The following ANXA3 variants were observed in gnomAD, a reference collection of about 807,000 sequenced individuals.
The protein encoded by ANXA3 is 35-alpha calcimedin.
A neutral mutation model predicts 48.8 loss-of-function variants in ANXA3; 46 were observed. The ratio of observed to expected loss-of-function variants is 0.94; its 90% CI spans 0.74 to 1.21. ANXA3 has a LOEUF of 1.21. Among genes scored for constraint, ANXA3 ranks in the 50% most tolerant of loss-of-function variants. The pLI is 0.00. For missense variants in ANXA3, 383 were observed against 378.6 expected, an observed-to-expected ratio of 1.01 and a Z score of -0.10; for synonymous variants, 128 against 134.7, an observed-to-expected ratio of 0.95 and a Z score of 0.35.
chr4:78,554,699 C>A (rs1476982694), intron 2 of ANXA3, among the ~76,000 whole-genome samples: 1 of 151,714 alleles, frequency 6.6e-6, no homozygotes, highest in Admixed American at 6.6e-5. Flanking sequence ...ATGATGACAC[C>A]AAGGCGGAAA....
In ANXA3 at chr4:78,608,136, G is replaced by A. The variant is rs547132540; in HGVS notation, c.913-1920G>A. 5.8e-4 allele frequency among the ~76,000 whole-genome samples: 89 copies of A among 152,242 alleles called. No homozygotes were observed. The South Asian group carries it at 0.018, about 30-fold the overall frequency. On this transcript the variant is annotated intron_variant, in intron 12 of 12. Coordinates refer to ENST00000264908, the MANE Select transcript of ANXA3 (RefSeq NM_005139.3). ...TACAATTATAAGCAAAGGGGGTAGG[G>A]TGGGGGAAGACATTTTCTGCCCTTA...
At chr4:78,557,731 A>G (rs997900140) in intron 2 of ANXA3, among the ~76,000 whole-genome samples, 1 of 150,164 alleles carries the variant, frequency 6.7e-6, no homozygotes, top group African/African-American at 2.5e-5. Flanking sequence ...CTCTCCCTCA[A>G]TTAAAGAACT....
intron 2 of ANXA3, among the ~76,000 whole-genome samples, chr4:78,554,911 T>C (rs1313358084): frequency 6.6e-6 from 1 of 152,062 alleles, no homozygotes; most frequent in Non-Finnish European, 1.5e-5. Flanking sequence ...ATGAAGAAGA[T>C]GAAATATGAA....
intron 12 of ANXA3, among the ~76,000 whole-genome samples, chr4:78,609,774 A>G (rs1372026946): frequency 1.3e-5 from 2 of 152,210 alleles, no homozygotes; most frequent in Non-Finnish European, 2.9e-5. Context: ...AGAAATCAAT[A>G]TTATGTAAGT....
intron 12 of ANXA3, among the ~76,000 whole-genome samples, chr4:78,607,004 A>G (rs1421797989): frequency 6.6e-6 from 1 of 152,212 alleles, no homozygotes; most frequent in Non-Finnish European, 1.5e-5. Context: ...ATAGACTCAC[A>G]CATTTTCTAA....
At chr4:78,574,427 AAAC>A (rs758372287) in intron 3 of ANXA3, among the ~76,000 whole-genome samples, 6 of 152,262 alleles carry the variant, frequency 3.9e-5, no homozygotes, top group Admixed American at 6.5e-5. Context: ...TTCAAAAACA[AAAC>A]AACAACAACA....
intron 2 of ANXA3, among the ~76,000 whole-genome samples, chr4:78,558,219 G>A (rs539989052): frequency 5.4e-4 from 82 of 152,312 alleles, no homozygotes; most frequent in African/African-American, 1.7e-3. Flanking sequence ...GAGACTGGTC[G>A]TTAGGAATGA....
chr4:78,590,857 AAGTC>A (rs1483197540), intron 6 of ANXA3, among the ~76,000 whole-genome samples: 1 of 151,770 alleles, frequency 6.6e-6, no homozygotes, highest in African/African-American at 2.4e-5. Flanking sequence ...TCATATGTAG[AAGTC>A]TAGACATTGG....
At chr4:78,570,846 A>G (rs1446106303) in intron 2 of ANXA3, among the ~76,000 whole-genome samples, 2 of 152,224 alleles carry the variant, frequency 1.3e-5, no homozygotes, top group Non-Finnish European at 2.9e-5. Context: ...TTACAATGCC[A>G]GACACTGGAA....
intron 2 of ANXA3, among the ~76,000 whole-genome samples, chr4:78,557,204 G>A (rs1166143767): frequency 6.6e-6 from 1 of 152,166 alleles, no homozygotes; most frequent in Non-Finnish European, 1.5e-5. Flanking sequence ...GCCTGTCCTT[G>A]TATGTGGCCC....
chr4:78,592,762 AAGAG>A (rs951613873), intron 7 of ANXA3, among the ~76,000 whole-genome samples: 10 of 152,176 alleles, frequency 6.6e-5, no homozygotes, highest in African/African-American at 2.4e-4. Context: ...GATTAAGAGA[AAGAG>A]AGAGTATGTG....
intron 10 of ANXA3, among the ~76,000 whole-genome samples, chr4:78,598,857 T>C (rs1464863611): frequency 6.6e-6 from 1 of 152,160 alleles, no homozygotes; most frequent in Non-Finnish European, 1.5e-5. Flanking sequence ...TTAATCTTTA[T>C]ATTAATTCTG....
chr4:78,601,678 C>T (rs553360676), intron 11 of ANXA3, 110 bp downstream of exon 11: 59 of 912,142 alleles, frequency 6.5e-5, no homozygotes, highest in Non-Finnish European at 9.6e-5. Context: ...GTAATTTAAA[C>T]ATTTTAAGAT....
At chr4:78,596,309 C>T (rs554113370) in intron 9 of ANXA3, among the ~76,000 whole-genome samples, 8 of 152,336 alleles carry the variant, frequency 5.3e-5, no homozygotes, top group African/African-American at 1.9e-4. Flanking sequence ...ACTGATTAAC[C>T]TTTAGCTATT....
At chr4:78,552,121 G>A (rs66676781) in intron 1 of ANXA3, 41,594 of 152,358 alleles carry the variant, frequency 0.27, 6,326 homozygotes, top group Non-Finnish European at 0.34. Flanking sequence ...GGTCACCCAG[G>A]TCTTGGTGGG....
chr4:78,568,250 A>C (rs1395783676), intron 2 of ANXA3, among the ~76,000 whole-genome samples: 6 of 152,238 alleles, frequency 3.9e-5, no homozygotes, highest in Non-Finnish European at 7.3e-5. Context: ...GTTTTGAAAA[A>C]TGCTTTTTAC....
At chr4:78,602,182 G>C (rs183019411) in intron 11 of ANXA3, 1 of 148,308 alleles carries the variant, frequency 6.7e-6, no homozygotes, top group Admixed American at 6.8e-5. Flanking sequence ...AGAGGTTGCA[G>C]TGAGCCTAGA....
intron 6 of ANXA3, among the ~76,000 whole-genome samples, 193 bp from the exon 7 acceptor site, chr4:78,591,351 A>C (rs1723291661): frequency 6.6e-6 from 1 of 152,244 alleles, no homozygotes; most frequent in East Asian, 1.9e-4. Context: ...ATCTACCACA[A>C]CACAGTGCAG....
chr4:78,594,163 G>C (rs543415694), intron 7 of ANXA3, among the ~76,000 whole-genome samples: 1 of 132,104 alleles, frequency 7.6e-6, no homozygotes, highest in African/African-American at 4.3e-5. Context: ...GCCATTTCAG[G>C]CAGGCTGGCT....
Sources: gnomAD v4.1 joint callset for allele counts (sites outside exome capture counted in the v4.1 genomes callset) on GRCh38, gnomAD v4.1.1 for gene constraint, MANE v1.5 for transcripts, NCBI Gene and HGNC (gene_info 2026-07-23, HGNC 2026-07-21) for gene names.